BRI3: variants seen among roughly 807,000 people sequenced by gnomAD.
The protein encoded by BRI3 is brain protein I3.
Under a neutral mutation model 12.8 loss-of-function variants are expected in BRI3, and 6 were observed. The observed-to-expected ratio is 0.47, with a 90% CI of 0.26 to 0.93. The LOEUF (loss-of-function observed/expected upper bound fraction) is 0.93, where lower values mean the gene tolerates loss of function less well. BRI3 is among the 40% of genes least tolerant of loss of function. BRI3 has a pLI of 0.15. For missense variants in BRI3, 134 were observed against 171.1 expected, an observed-to-expected ratio of 0.78 and a Z score of 1.21; for synonymous variants, 91 against 76.1, an observed-to-expected ratio of 1.20 and a Z score of -1.02.
chr7:98,282,508 C>G, intron 2 of BRI3, 55 bp downstream of exon 2: 1 of 1,460,218 alleles, frequency 6.8e-7, no homozygotes. Flanking sequence ...GACCCCCGCC[C>G]TAACCCCCAG....
downstream of BRI3, chr7:98,293,508 C>T (rs1033530744): frequency 1.9e-6 from 3 of 1,611,232 alleles, no homozygotes; most frequent in Non-Finnish European, 2.5e-6. Context: ...CGGGAGAGTC[C>T]TTGGCTGTCC....
downstream of BRI3, among the ~76,000 whole-genome samples, chr7:98,296,061 G>A (rs371574684): frequency 3.9e-5 from 6 of 152,170 alleles, no homozygotes; most frequent in East Asian, 1.9e-4. Flanking sequence ...AACACCAGAC[G>A]CCCGTCAATG....
chr7:98,281,717 C>G lies in BRI3; in HGVS notation c.-79C>G, dbSNP rs922861939. The G allele has an allele frequency of 2.6e-6, 2 of 768,320 alleles. No individual in the cohort carries two copies. Among genetic ancestry groups the G allele is most frequent in the African/African-American group, 1.9e-5 (1 of 52,344 alleles). 47.6% of individuals were successfully genotyped at this position (768,320 alleles called of 1,614,324 possible). ...GCCCGAGCCACCCGGTCCGCCGCGT[C>G]CCCGCCGCCGCCGCCGCGTCCCCCG... On this transcript the variant is annotated 5_prime_UTR_variant, in exon 1 of 3. Coordinates refer to ENST00000297290, the MANE Select transcript of BRI3 (RefSeq NM_015379.5).
the BRI3 span, among the ~76,000 whole-genome samples, chr7:98,318,502 G>A: frequency 2.6e-5 from 4 of 151,794 alleles, no homozygotes; most frequent in South Asian, 2.1e-4. Context: ...GGCTGGTCTC[G>A]AACTCCTGAC....
chr7:98,317,433 C>G, the BRI3 span: 1 of 1,557,744 alleles, frequency 6.4e-7, no homozygotes, highest in Non-Finnish European at 8.8e-7. Context: ...ACTCACACTT[C>G]CACTGTGTGT....
upstream of BRI3, chr7:98,304,421 C>T: frequency 6.3e-7 from 1 of 1,593,982 alleles, no homozygotes; most frequent in South Asian, 1.1e-5. Flanking sequence ...AATGTCTCAC[C>T]ACCAAACCCC....
At chr7:98,313,998 T>A (rs1800982275), downstream of BRI3, among the ~76,000 whole-genome samples, 1 of 147,130 alleles carries the variant, frequency 6.8e-6, no homozygotes, top group African/African-American at 2.5e-5. Flanking sequence ...TTTTTTTTTT[T>A]TTTTTGAGAC....
chr7:98,316,719 A>C, the BRI3 span, among the ~76,000 whole-genome samples: 1 of 151,954 alleles, frequency 6.6e-6, no homozygotes, highest in African/African-American at 2.4e-5. Flanking sequence ...ACTAGAACTT[A>C]TTTCTTTTAT....
At chr7:98,287,834 TG>T (rs1799761100) in intron 2 of BRI3, among the ~76,000 whole-genome samples, 2 of 152,196 alleles carry the variant, frequency 1.3e-5, no homozygotes, top group African/African-American at 4.8e-5. Context: ...CACACCTGGA[TG>T]TCTCTGCTGC....
chr7:98,318,543 T>C, the BRI3 span, among the ~76,000 whole-genome samples: 2 of 151,236 alleles, frequency 1.3e-5, no homozygotes. Flanking sequence ...CCTCCCAAAG[T>C]GCTGGGATTA....
chr7:98,310,435 A>AAT (rs1562968702), exon 2 of BRI3: 12 of 1,577,458 alleles, frequency 7.6e-6, no homozygotes, highest in Non-Finnish European at 1.0e-5. Context: ...AATCAGACTG[A>AAT]ATCTCTTACC....
In BRI3 at chr7:98,281,873, C is replaced by T. The variant is rs1485054614; in HGVS notation, c.78C>T (p.Gly26=). The T allele has an allele frequency of 6.1e-6, 8 of 1,310,140 alleles. No homozygotes were observed. The highest frequency in any genetic ancestry group is 2.9e-4 in the Middle Eastern group (1 of 3,500). 81.2% of individuals were successfully genotyped at this position (1,310,140 alleles called of 1,614,324 possible). A position where few individuals can be genotyped will look rare whatever the true frequency, so the allele number is the denominator to read the frequency against. Residue 26 remains glycine (G), a synonymous_variant, in exon 1 of 3, where the codon GGC becomes GGT. Transcript: ENST00000297290. ...LEAGQGDYAC[G]PHGYGAIPAA... is the part of the protein sequence containing the mutation. ...CCGGCCAGGGCGACTACGCGTGCGG[C>T]CCGCACGGCTACGGCGCCATCCCCG...
chr7:98,297,796 T>C (rs1314537611), downstream of BRI3, among the ~76,000 whole-genome samples: 3 of 152,224 alleles, frequency 2.0e-5, no homozygotes, highest in Non-Finnish European at 4.4e-5. Flanking sequence ...CACTGGCGGC[T>C]CTCAGGAGGG....
At chr7:98,306,830 C>A (rs891226435) in intron 1 of BRI3, 3 of 366,876 alleles carry the variant, frequency 8.2e-6, no homozygotes, top group Non-Finnish European at 1.5e-5. Flanking sequence ...GCCTCAGCAT[C>A]CGAGTAGCTG....
At chr7:98,287,065 C>A (rs563403002) in intron 2 of BRI3, among the ~76,000 whole-genome samples, 1 of 152,242 alleles carries the variant, frequency 6.6e-6, no homozygotes, top group African/African-American at 2.4e-5. Context: ...AGCTCTCAGG[C>A]CCAAGTGCTC....
At chr7:98,304,992 A>G (rs182923512), upstream of BRI3, among the ~76,000 whole-genome samples, 3,685 of 149,490 alleles carry the variant, frequency 0.025, 152 homozygotes, top group African/African-American at 0.087. Context: ...CAGCCTCCCA[A>G]GTAGCCGGGA....
At chr7:98,319,940 A>G in the BRI3 span, 2 of 832,488 alleles carry the variant, frequency 2.4e-6, no homozygotes, top group South Asian at 3.3e-5. Context: ...TCTGGGCATC[A>G]TCAACACGGA....
chr7:98,304,098 G>T, upstream of BRI3: 1 of 1,292,196 alleles, frequency 7.7e-7, no homozygotes, highest in Non-Finnish European at 1.0e-6. Context: ...TCTCCCCCTG[G>T]GGACAGAGCA....
downstream of BRI3, among the ~76,000 whole-genome samples, chr7:98,295,551 C>T (rs1216342954): frequency 6.6e-6 from 1 of 152,158 alleles, no homozygotes; most frequent in Non-Finnish European, 1.5e-5. Context: ...CGCATGTGCT[C>T]ACGGTGCTGG....
Sources: gnomAD v4.1 joint callset for allele counts (sites outside exome capture counted in the v4.1 genomes callset) on GRCh38, gnomAD v4.1.1 for gene constraint, MANE v1.5 for transcripts, NCBI Gene and HGNC (gene_info 2026-07-23, HGNC 2026-07-21) for gene names.